IGF1R: variants seen among roughly 807,000 people sequenced by gnomAD.
The protein encoded by IGF1R is insulin like growth factor 1 receptor.
IGF1R carries 44 observed loss-of-function variants against 144.6 expected under a neutral mutation model. That is an observed-to-expected ratio of 0.30 (90% CI 0.24 to 0.39). The LOEUF is 0.39. IGF1R is among the 10% of genes least tolerant of loss of function. The pLI, the probability that IGF1R is intolerant of heterozygous loss-of-function variation, is 1.00. For synonymous variants in IGF1R, 795 were observed against 722.8 expected (o/e 1.10, Z -1.60); for missense variants, 1,355 against 1,833.7 (o/e 0.74, Z 4.77).
intron 1 of IGF1R, among the ~76,000 whole-genome samples, chr15:98,674,977 A>ATTTTTTTTT (rs71149408): frequency 4.8e-4 from 47 of 98,896 alleles, no homozygotes; most frequent in African/African-American, 1.7e-3. Context: ...GTATTTTACA[A>ATTTTTTTTT]TTTTTTTTTT....
At chr15:98,732,903 G>C (rs2054525659) in intron 2 of IGF1R, among the ~76,000 whole-genome samples, 1 of 152,130 alleles carries the variant, frequency 6.6e-6, no homozygotes, top group Non-Finnish European at 1.5e-5. Flanking sequence ...AAGGATCACT[G>C]GGAAGGGGGC....
chr15:98,771,900 A>C (rs1194566104), intron 2 of IGF1R, among the ~76,000 whole-genome samples: 5 of 148,832 alleles, frequency 3.4e-5, no homozygotes, highest in African/African-American at 1.0e-4. Flanking sequence ...CTTCTTCTCC[A>C]CTGACATTTT....
intron 15 of IGF1R, among the ~76,000 whole-genome samples, chr15:98,933,742 T>A (rs2016031619): frequency 1.3e-5 from 2 of 152,120 alleles, no homozygotes; most frequent in African/African-American, 4.8e-5. Flanking sequence ...TTGGTCAAGG[T>A]CCCTGAGTTC....
chr15:98,710,621 T>G (rs2053970105), intron 2 of IGF1R, among the ~76,000 whole-genome samples: 1 of 152,120 alleles, frequency 6.6e-6, no homozygotes, highest in Non-Finnish European at 1.5e-5. Flanking sequence ...TATATTAGAT[T>G]AAGTAAAATG....
intron 2 of IGF1R, among the ~76,000 whole-genome samples, chr15:98,878,663 C>CATAA (rs2013186332): frequency 1.7e-5 from 1 of 57,906 alleles, no homozygotes; most frequent in Non-Finnish European, 2.9e-5. Context: ...GTGAAAGACT[C>CATAA]AAAAAAAAAA....
intron 3 of IGF1R, among the ~76,000 whole-genome samples, chr15:98,892,745 G>T (rs1195945888): frequency 6.6e-6 from 1 of 152,128 alleles, no homozygotes; most frequent in Non-Finnish European, 1.5e-5. Flanking sequence ...AGAACTTTTA[G>T]GGGCTCACGC....
At chr15:98,922,081 A>T in intron 10 of IGF1R, 67 bp from the exon 11 acceptor site, 1 of 1,555,318 alleles carries the variant, frequency 6.4e-7, no homozygotes, top group Non-Finnish European at 8.9e-7. Flanking sequence ...TGTTACTCTT[A>T]CTCAAGTCAT....
At chr15:98,896,310 A>G (rs1268518277) in intron 3 of IGF1R, among the ~76,000 whole-genome samples, 1 of 151,914 alleles carries the variant, frequency 6.6e-6, no homozygotes, top group Non-Finnish European at 1.5e-5. Context: ...GAGACACTGC[A>G]CTCCCTTTGC....
chr15:98,915,957 T>A lies in IGF1R; in HGVS notation c.1829-7T>A. ...TTTTCTAGAATGTTCTTTGTTCCCC[T>A]CTCCAGTTCCTTCCATTCCCTTGGA... On this transcript the variant is annotated splice_polypyrimidine_tract_variant and splice_region_variant and intron_variant, in intron 8 of 20. Coordinates refer to ENST00000650285, the MANE Select transcript of IGF1R (RefSeq NM_000875.5). 3 of 1,613,718 alleles carry A rather than the reference T, an allele frequency of 1.9e-6. No homozygotes were observed. The highest frequency in any genetic ancestry group is 2.5e-6 in the Non-Finnish European group (3 of 1,179,584).
chr15:98,771,345 C>A (rs10794487), intron 2 of IGF1R, among the ~76,000 whole-genome samples: 139,991 of 152,126 alleles, frequency 0.92, 65,563 homozygotes, highest in East Asian at 1. Context: ...TTGTCTTCCT[C>A]TCTCCCTTCT....
At chr15:98,921,585 C>A (rs2015490052) in intron 10 of IGF1R, among the ~76,000 whole-genome samples, 2 of 151,836 alleles carry the variant, frequency 1.3e-5, no homozygotes, top group Admixed American at 1.3e-4. Context: ...CAGCAGGAGC[C>A]CCCAAGAAGA....
At chr15:98,671,419 A>G (rs1329170253) in intron 1 of IGF1R, among the ~76,000 whole-genome samples, 1 of 152,146 alleles carries the variant, frequency 6.6e-6, no homozygotes, top group Non-Finnish European at 1.5e-5. Flanking sequence ...CCCTCTCCTT[A>G]GCAGCATTGT....
intron 2 of IGF1R, among the ~76,000 whole-genome samples, chr15:98,889,893 A>G (rs2013822649): frequency 6.6e-6 from 1 of 152,230 alleles, no homozygotes; most frequent in Non-Finnish European, 1.5e-5. Flanking sequence ...TTGTTTTCCA[A>G]TTTGAGGATA....
At position 98,935,268 on chromosome 15, in the gene IGF1R, C is replaced by A; in HGVS notation, c.3187-48C>A. The A allele has an allele frequency of 1.7e-6, 2 of 1,167,610 alleles. No individual in the cohort carries two copies. Among genetic ancestry groups the A allele is most frequent in the Non-Finnish European group, 2.3e-6 (2 of 865,884 alleles). The allele number at this position is 1,167,610 out of a possible 1,614,324, so 72.3% of individuals were successfully genotyped here. A position where few individuals can be genotyped will look rare whatever the true frequency, so the allele number is the denominator to read the frequency against. On this transcript the variant is annotated intron_variant, in intron 16 of 20. Transcript: ENST00000650285. This position sits in a 1 kb window ranked among gnomAD's most constrained non-coding sequence, Gnocchi z 4.2. Reference sequence around the variant, plus strand: ...CAGTTCCAGACAACACAGGCATCAGCAAGGGCCACCTGACCCTCTGAGTCT... The same window carrying A: ...CAGTTCCAGACAACACAGGCATCAGAAAGGGCCACCTGACCCTCTGAGTCT...
intron 2 of IGF1R, among the ~76,000 whole-genome samples, chr15:98,798,158 G>T (rs1304251946): frequency 6.6e-6 from 1 of 152,216 alleles, no homozygotes; most frequent in African/African-American, 2.4e-5. Flanking sequence ...TTTTATTAAA[G>T]TAGGGAAGGG....
chr15:98,899,436 A>G, intron 4 of IGF1R, 41 bp from the exon 5 acceptor site: 1 of 1,607,944 alleles, frequency 6.2e-7, no homozygotes, highest in South Asian at 1.1e-5. Context: ...TCACCCTTAC[A>G]CCAAGTGAGC....
chr15:98,737,733 C>G (rs1596252032), intron 2 of IGF1R, among the ~76,000 whole-genome samples: 1 of 151,874 alleles, frequency 6.6e-6, no homozygotes, highest in Non-Finnish European at 1.5e-5. Flanking sequence ...ATAGCTGGAG[C>G]CTGCTGAGAT....
chr15:98,826,329 TA>T (rs1184740305), intron 2 of IGF1R, among the ~76,000 whole-genome samples: 1 of 152,254 alleles, frequency 6.6e-6, no homozygotes, highest in African/African-American at 2.4e-5. Flanking sequence ...ATATAAGCTG[TA>T]TTTTTCTTGT....
At chr15:98,821,037 A>G (rs1567145557) in intron 2 of IGF1R, 1 of 152,134 alleles carries the variant, frequency 6.6e-6, no homozygotes, top group Non-Finnish European at 1.5e-5. Context: ...TTTTTATGTA[A>G]ATGCTGATGC....
Sources: allele counts gnomAD v4.1 joint callset (sites outside exome capture counted in the v4.1 genomes callset), GRCh38; gene constraint gnomAD v4.1.1; non-coding constraint Gnocchi (gnomAD v3.1); transcripts MANE v1.5; gene names NCBI Gene and HGNC (gene_info 2026-07-23, HGNC 2026-07-21).